UBE2N: variants seen among roughly 807,000 people sequenced by gnomAD.
The protein encoded by UBE2N is ubiquitin conjugating enzyme E2 N.
For missense variants in UBE2N, 60 were observed against 192.1 expected, an observed-to-expected ratio of 0.31 and a Z score of 4.07; for synonymous variants, 70 against 69.2, an observed-to-expected ratio of 1.01 and a Z score of -0.06.
chr12:93,419,614 C>T (rs543686473), intron 1 of UBE2N, among the ~76,000 whole-genome samples: 1 of 152,134 alleles, frequency 6.6e-6, no homozygotes, highest in Non-Finnish European at 1.5e-5. Flanking sequence ...CACACTACCC[C>T]CTAGTGGACA....
intron 1 of UBE2N, among the ~76,000 whole-genome samples, chr12:93,432,595 G>C (rs1483942174): frequency 1.3e-5 from 2 of 151,968 alleles, no homozygotes; most frequent in African/African-American, 2.4e-5. Flanking sequence ...ATATAAATTT[G>C]TTAGTTCTTT....
intron 1 of UBE2N, among the ~76,000 whole-genome samples, chr12:93,437,115 T>C (rs956914003): frequency 6.6e-5 from 10 of 151,856 alleles, no homozygotes; most frequent in African/African-American, 2.4e-4. Context: ...AAGTATTAAA[T>C]TTCCAATATT....
At chr12:93,422,998 T>C (rs1878465727) in intron 1 of UBE2N, among the ~76,000 whole-genome samples, 1 of 152,078 alleles carries the variant, frequency 6.6e-6, no homozygotes, top group Admixed American at 6.6e-5. Flanking sequence ...CAAAATGAGG[T>C]TGGTAGTATG....
intron 1 of UBE2N, among the ~76,000 whole-genome samples, chr12:93,430,113 C>T (rs1878715928): frequency 2.0e-5 from 3 of 152,160 alleles, no homozygotes; most frequent in African/African-American, 7.2e-5. Flanking sequence ...GTGCCCTATA[C>T]AGGTATACCA....
At chr12:93,432,648 TAA>T (rs1878806100) in intron 1 of UBE2N, among the ~76,000 whole-genome samples, 1 of 152,150 alleles carries the variant, frequency 6.6e-6, no homozygotes, top group East Asian at 1.9e-4. Flanking sequence ...CCTAGAACTG[TAA>T]AGACTTTCAA....
chr12:93,431,647 C>G (rs1013385913), intron 1 of UBE2N, among the ~76,000 whole-genome samples: 2 of 152,210 alleles, frequency 1.3e-5, no homozygotes, highest in Non-Finnish European at 2.9e-5. Flanking sequence ...TCAGGAACAG[C>G]TGCCACACTG....
chr12:93,431,630 C>G (rs936487107), intron 1 of UBE2N, among the ~76,000 whole-genome samples: 2 of 152,130 alleles, frequency 1.3e-5, no homozygotes, highest in African/African-American at 4.8e-5. Context: ...ATATGACCAA[C>G]CTCACTTCAG....
At chr12:93,429,425 A>G (rs1488826770) in intron 1 of UBE2N, 1 of 311,178 alleles carries the variant, frequency 3.2e-6, no homozygotes, top group Non-Finnish European at 6.2e-6. Flanking sequence ...CATGCGCTGT[A>G]TGAGTTTCAG....
At chr12:93,428,638 T>G (rs894406792) in intron 1 of UBE2N, among the ~76,000 whole-genome samples, 9 of 152,230 alleles carry the variant, frequency 5.9e-5, no homozygotes, top group African/African-American at 2.2e-4. Flanking sequence ...AAGTGTACAC[T>G]AAAATCATAA....
chr12:93,427,627 T>C (rs1469380901), intron 1 of UBE2N, among the ~76,000 whole-genome samples: 1 of 152,228 alleles, frequency 6.6e-6, no homozygotes, highest in Non-Finnish European at 1.5e-5. Context: ...GCACAGGGTT[T>C]TTCTTTTTGG....
intron 1 of UBE2N, among the ~76,000 whole-genome samples, chr12:93,415,926 C>G (rs914414173): frequency 3.3e-5 from 5 of 152,200 alleles, no homozygotes; most frequent in African/African-American, 1.2e-4. Context: ...CATTTACTTT[C>G]TCATCTTCAG....
At position 93,406,790 on chromosome 12, in the gene UBE2N, G is replaced by A. The variant is rs117777833; in HGVS notation, c.*3249C>T. 3.9e-5 allele frequency: 6 copies of A among 152,112 alleles called. No homozygotes were observed. Among genetic ancestry groups the A allele is most frequent in the Non-Finnish European group, 5.9e-5 (4 of 68,024 alleles). The allele number at this position is 152,112 out of a possible 1,614,324, so 9.4% of individuals were successfully genotyped here. A position where few individuals can be genotyped will look rare whatever the true frequency, so the allele number is the denominator to read the frequency against. ...CAACATCATTTTATTCCAGAGACTT[G>A]AGCATCTGCGAATTTGGATATCCAA... On this transcript the variant is annotated 3_prime_UTR_variant, in exon 4 of 4. Transcript: ENST00000318066.
rs1337667779 is a variant in UBE2N at position 93,409,670 on chromosome 12, CAAAAATAAAA to C, written c.*359_*368del. On this transcript the variant is annotated 3_prime_UTR_variant, in exon 4 of 4. Coordinates refer to ENST00000318066, the MANE Select transcript of UBE2N (RefSeq NM_003348.4). ...CATAAAATTAAACTACCTCCCCCCT[CAAAAATAAAA>C]TAAAATAAAATAAAATAAAAACACC... 1 of 177,422 alleles carries C rather than the reference CAAAAATAAAA, an allele frequency of 5.6e-6. No individual in the cohort carries two copies. Among genetic ancestry groups the C allele is most frequent in the African/African-American group, 2.4e-5 (1 of 41,640 alleles). The allele number at this position is 177,422 out of a possible 1,614,324, so 11.0% of individuals were successfully genotyped here. A position where few individuals can be genotyped will look rare whatever the true frequency, so the allele number is the denominator to read the frequency against.
At chr12:93,421,571 A>G (rs1174195751) in intron 1 of UBE2N, among the ~76,000 whole-genome samples, 1 of 152,112 alleles carries the variant, frequency 6.6e-6, no homozygotes, top group East Asian at 1.9e-4. Context: ...GCTATTTTCA[A>G]CCCTTCATAA....
intron 1 of UBE2N, among the ~76,000 whole-genome samples, chr12:93,415,006 T>G (rs1398330179): frequency 6.6e-6 from 1 of 152,158 alleles, no homozygotes; most frequent in Non-Finnish European, 1.5e-5. Flanking sequence ...CGATCAGAAT[T>G]TCATCGTTAA....
chr12:93,414,703 A>C (rs1337745236), intron 1 of UBE2N, among the ~76,000 whole-genome samples: 2 of 152,000 alleles, frequency 1.3e-5, no homozygotes. Context: ...CTCAGCTCCT[A>C]AGATCTTCAT....
intron 1 of UBE2N, among the ~76,000 whole-genome samples, chr12:93,421,207 T>TGGGG (rs1188470851): frequency 3.7e-5 from 4 of 107,172 alleles, no homozygotes; most frequent in African/African-American, 1.6e-4. Flanking sequence ...CTTTTTTTTT[T>TGGGG]GGGGGGGCTG....
chr12:93,441,858 G>C lies in UBE2N; in HGVS notation c.27C>G (p.Ile9Met), dbSNP rs1165875472. Reference sequence around the variant, plus strand: ...GGAGGCCGGCCTGGGCGGTTACCTTGATGATCCTGCGGGGCAGCCCGGCCA... The same window carrying C: ...GGAGGCCGGCCTGGGCGGTTACCTTCATGATCCTGCGGGGCAGCCCGGCCA... MAGLPRRI[I>M]KETQRLLAEP... The change falls in exon 1 of 4, where the codon ATC becomes ATG. Residue 9 changes from isoleucine to methionine, a missense_variant. By Grantham distance (10) the Ile-to-Met change is conservative (BLOSUM62 1). Transcript: ENST00000318066. 6.3e-7 allele frequency: 1 copy of C among 1,579,440 alleles called. No individual in the cohort carries two copies. Among genetic ancestry groups the C allele is most frequent in the Non-Finnish European group, 8.6e-7 (1 of 1,165,440 alleles).
chr12:93,435,200 C>T (rs756625033), intron 1 of UBE2N, among the ~76,000 whole-genome samples: 14 of 152,080 alleles, frequency 9.2e-5, no homozygotes, highest in Admixed American at 3.9e-4. Context: ...AGGACAGGCG[C>T]GGTGACTCAC....
Sources: allele counts gnomAD v4.1 joint callset (sites outside exome capture counted in the v4.1 genomes callset), GRCh38; gene constraint gnomAD v4.1.1; transcripts MANE v1.5; gene names NCBI Gene and HGNC (gene_info 2026-07-23, HGNC 2026-07-21).